PRKD1: variants seen among roughly 807,000 people sequenced by gnomAD.
The protein encoded by PRKD1 is protein kinase D1.
Under a neutral mutation model 95.9 loss-of-function variants are expected in PRKD1, and 63 were observed. The ratio of observed to expected loss-of-function variants is 0.66; its 90% CI spans 0.54 to 0.81. The LOEUF (loss-of-function observed/expected upper bound fraction) is 0.81. Ranked by LOEUF, PRKD1 falls within the 30% of genes least tolerant of loss-of-function variation. The pLI, the probability that PRKD1 is intolerant of heterozygous loss-of-function variation, is 0.00. For missense variants in PRKD1, 1,048 were observed against 1,165.3 expected, an observed-to-expected ratio of 0.90 and a Z score of 1.47; for synonymous variants, 425 against 423.1, an observed-to-expected ratio of 1.00 and a Z score of -0.05.
At chr14:29,768,720 A>C (rs1000013018) in intron 1 of PRKD1, among the ~76,000 whole-genome samples, 1 of 151,822 alleles carries the variant, frequency 6.6e-6, no homozygotes, top group African/African-American at 2.4e-5. Flanking sequence ...AAAAAAAAAA[A>C]AACAACCAAA....
intron 3 of PRKD1, among the ~76,000 whole-genome samples, chr14:29,665,438 G>A (rs1882434727): frequency 6.6e-6 from 1 of 152,082 alleles, no homozygotes; most frequent in African/African-American, 2.4e-5. Context: ...GTGCCCCTGT[G>A]TACCCACAGA....
intron 1 of PRKD1, among the ~76,000 whole-genome samples, chr14:29,729,248 G>C (rs1323347477): frequency 1.3e-5 from 2 of 152,018 alleles, no homozygotes; most frequent in African/African-American, 4.8e-5. Context: ...TACAGACTTG[G>C]TATTATATCT....
intron 2 of PRKD1, among the ~76,000 whole-genome samples, chr14:29,674,522 C>T (rs533605923): frequency 2.6e-5 from 4 of 152,188 alleles, no homozygotes; most frequent in Admixed American, 6.5e-5. Flanking sequence ...TAAATGGTTG[C>T]CCCATGTGTC....
At position 29,672,978 on chromosome 14, in the gene PRKD1, C is replaced by T. The variant is rs536037629; in HGVS notation, c.404-6770G>A. Among the ~76,000 whole-genome samples the T allele has an allele frequency of 3.3e-5, 5 of 152,186 alleles. No individual in the cohort carries two copies. In the South Asian group the frequency reaches 1.0e-3, roughly 32 times the overall value. On this transcript the variant is annotated intron_variant, in intron 2 of 17. Transcript: ENST00000331968. The stretch of plus-strand genomic sequence containing the variant: ...GTTTGATAGCAGGGCTAAAGCCTTG[C>T]TCAAGAAATAGCTTAGGATCTGTTC...
chr14:29,807,722 C>G (rs1296139073), intron 1 of PRKD1, among the ~76,000 whole-genome samples: 1 of 150,944 alleles, frequency 6.6e-6, no homozygotes, highest in African/African-American at 2.4e-5. Flanking sequence ...TCTTTTTTTT[C>G]TTTTCCTTTT....
chr14:29,654,128 T>C (rs1881696480), intron 4 of PRKD1, among the ~76,000 whole-genome samples: 1 of 152,128 alleles, frequency 6.6e-6, no homozygotes. Context: ...ATTCTAATAA[T>C]GTTATCTACT....
chr14:29,868,384 T>C (rs1892983909), intron 1 of PRKD1, among the ~76,000 whole-genome samples: 2 of 152,206 alleles, frequency 1.3e-5, no homozygotes, highest in Admixed American at 1.3e-4. Context: ...ATGTCTCTTC[T>C]GAAATCAGTC....
At chr14:29,751,529 C>T (rs1887478934) in intron 1 of PRKD1, among the ~76,000 whole-genome samples, 1 of 152,204 alleles carries the variant, frequency 6.6e-6, no homozygotes, top group Non-Finnish European at 1.5e-5. Context: ...AGATACCAAC[C>T]TTGCAACTGA....
At chr14:29,617,574 A>G (rs1173036641) in intron 13 of PRKD1, among the ~76,000 whole-genome samples, 4 of 152,226 alleles carry the variant, frequency 2.6e-5, no homozygotes, top group African/African-American at 9.6e-5. Context: ...TCGATAAATG[A>G]AAGTTGCAAT....
intron 1 of PRKD1, among the ~76,000 whole-genome samples, chr14:29,876,997 CA>C (rs1183989964): frequency 2.0e-5 from 3 of 151,986 alleles, no homozygotes; most frequent in Non-Finnish European, 4.4e-5. Context: ...ACTAAAAATA[CA>C]AAAATTAGAC....
intron 2 of PRKD1, among the ~76,000 whole-genome samples, chr14:29,690,070 T>C (rs1884139810): frequency 1.3e-5 from 2 of 152,148 alleles, no homozygotes; most frequent in South Asian, 4.1e-4. Context: ...ATGGCACGTG[T>C]TTACCTATGT....
intron 1 of PRKD1, among the ~76,000 whole-genome samples, chr14:29,814,710 A>G (rs1302936782): frequency 2.6e-5 from 4 of 152,144 alleles, no homozygotes; most frequent in Admixed American, 2.0e-4. Flanking sequence ...TGCTGCCTCC[A>G]TTGCTGGCAC....
chr14:29,828,465 T>C (rs1219003632), intron 1 of PRKD1, among the ~76,000 whole-genome samples: 3 of 152,020 alleles, frequency 2.0e-5, no homozygotes, highest in African/African-American at 7.2e-5. Flanking sequence ...TAGGCCCACC[T>C]CTAACATAGA....
At chr14:29,855,526 G>T (rs1229520372) in intron 1 of PRKD1, among the ~76,000 whole-genome samples, 1 of 152,162 alleles carries the variant, frequency 6.6e-6, no homozygotes, top group Non-Finnish European at 1.5e-5. Flanking sequence ...ATGAGACTTT[G>T]GACTGTGAAC....
intron 2 of PRKD1, among the ~76,000 whole-genome samples, chr14:29,673,377 C>T (rs76898176): frequency 2.0e-5 from 3 of 152,166 alleles, no homozygotes; most frequent in Non-Finnish European, 2.9e-5. Flanking sequence ...CCGTCTTTCA[C>T]GTCAATCCCT....
intron 1 of PRKD1, among the ~76,000 whole-genome samples, chr14:29,754,026 A>T (rs903966962): frequency 5.9e-5 from 9 of 152,212 alleles, no homozygotes; most frequent in African/African-American, 2.2e-4. Flanking sequence ...TGATGGCAAC[A>T]GTTTACACTT....
chr14:29,859,491 C>T (rs1052174135), intron 1 of PRKD1, among the ~76,000 whole-genome samples: 5 of 151,728 alleles, frequency 3.3e-5, no homozygotes, highest in Admixed American at 3.3e-4. Flanking sequence ...GCCTGTGGTC[C>T]CAGATACTCA....
At chr14:29,884,849 G>A (rs1893639219) in intron 1 of PRKD1, among the ~76,000 whole-genome samples, 1 of 152,190 alleles carries the variant, frequency 6.6e-6, no homozygotes, top group South Asian at 2.1e-4. Flanking sequence ...TAGGCTGGGC[G>A]CAGTGGCTCA....
At chr14:29,899,847 C>T (rs1894260995) in intron 1 of PRKD1, among the ~76,000 whole-genome samples, 1 of 152,148 alleles carries the variant, frequency 6.6e-6, no homozygotes, top group Non-Finnish European at 1.5e-5. Flanking sequence ...GAATTGTAAT[C>T]CCCATGTGTT....
Sources: gnomAD v4.1 joint callset for allele counts (sites outside exome capture counted in the v4.1 genomes callset) on GRCh38, gnomAD v4.1.1 for gene constraint, MANE v1.5 for transcripts, NCBI Gene and HGNC (gene_info 2026-07-23, HGNC 2026-07-21) for gene names.